The following P3H2 variants were observed in gnomAD, a reference collection of about 807,000 sequenced individuals.
P3H2 encodes prolyl 3-hydroxylase 2.
P3H2 carries 80 observed loss-of-function variants against 87.0 expected under a neutral mutation model. The ratio of observed to expected loss-of-function variants is 0.92; its 90% CI spans 0.77 to 1.11. The LOEUF is 1.11. P3H2 is among the 50% of genes least tolerant of loss of function. P3H2 has a pLI of 0.00. For synonymous variants in P3H2, 367 were observed against 359.3 expected (o/e 1.02, Z -0.24); for missense variants, 1,001 against 923.9 (o/e 1.08, Z -1.08).
At chr3:189,979,027 G>T (rs888474749) in intron 8 of P3H2, among the ~76,000 whole-genome samples, 2 of 152,076 alleles carry the variant, frequency 1.3e-5, no homozygotes, top group African/African-American at 4.8e-5. Context: ...CTGGCTCATG[G>T]CAAGAAGAAT....
chr3:190,057,293 T>C (rs1328107339), intron 1 of P3H2, among the ~76,000 whole-genome samples: 1 of 152,194 alleles, frequency 6.6e-6, no homozygotes, highest in Admixed American at 6.6e-5. Context: ...GAATTAAAAC[T>C]GCATTTTAAC....
intron 1 of P3H2, among the ~76,000 whole-genome samples, chr3:190,078,453 A>G (rs1726938808): frequency 6.6e-6 from 1 of 152,186 alleles, no homozygotes; most frequent in South Asian, 2.1e-4. Flanking sequence ...TAGGATTTCA[A>G]TAAATGAAAT....
Position 190,120,717 on chromosome 3 carries a change from G to A in P3H2, c.15C>T (p.Ile5=). 6.6e-7 allele frequency: 1 copy of A among 1,520,446 alleles called. No homozygotes were observed. The highest frequency in any genetic ancestry group is 2.2e-4 in the Middle Eastern group (1 of 4,488). 94.2% of individuals were successfully genotyped at this position (1,520,446 alleles called of 1,614,324 possible). Residue 5 remains isoleucine (I), a synonymous_variant, in exon 1 of 15, where the codon ATC becomes ATT. Transcript: ENST00000319332. ...GCAGCAGCAGCAGCGGCGGCGCCCAGATGCGCTCCCGCATCCTCCGCCTCA... is the reference window on the plus strand; with the variant it reads ...GCAGCAGCAGCAGCGGCGGCGCCCAAATGCGCTCCCGCATCCTCCGCCTCA... The part of the protein sequence containing the change: MRER[I]WAPPLLLLLP...
chr3:189,978,133 A>G (rs1723409471), intron 8 of P3H2, among the ~76,000 whole-genome samples: 2 of 152,236 alleles, frequency 1.3e-5, no homozygotes, highest in African/African-American at 4.8e-5. Flanking sequence ...ACTGAAAAGC[A>G]TCTGCTAATA....
chr3:190,058,150 T>C (rs983398162), intron 1 of P3H2, among the ~76,000 whole-genome samples: 2 of 152,084 alleles, frequency 1.3e-5, no homozygotes, highest in Non-Finnish European at 2.9e-5. Flanking sequence ...TTTAGGAGAA[T>C]ATATATTCCT....
At chr3:190,087,266 G>A (rs914976015) in intron 1 of P3H2, among the ~76,000 whole-genome samples, 2 of 152,174 alleles carry the variant, frequency 1.3e-5, no homozygotes, top group Admixed American at 6.5e-5. Context: ...GCCGGGTGCG[G>A]TGGCTCACGC....
At chr3:189,968,592 T>A (rs560179599) in intron 13 of P3H2, among the ~76,000 whole-genome samples, 155 of 152,352 alleles carry the variant, frequency 1.0e-3, no homozygotes, top group Non-Finnish European at 1.3e-3. Context: ...TGATTTATAA[T>A]CCTTTGGGTA....
intron 1 of P3H2, among the ~76,000 whole-genome samples, chr3:190,102,772 C>T (rs746701693): frequency 1.3e-5 from 2 of 152,134 alleles, no homozygotes; most frequent in African/African-American, 2.4e-5. Context: ...GAGTAAAATG[C>T]TATCAAACAG....
chr3:189,984,585 A>C lies in P3H2; in HGVS notation c.1194T>G (p.Tyr398Ter). 6.3e-7 allele frequency: 1 copy of C among 1,597,066 alleles called. No homozygotes were observed. Among genetic ancestry groups the C allele is most frequent in the South Asian group, 1.1e-5 (1 of 90,068 alleles). ...GLGFSYTEPN[Y>*]WIRYGGRQDE... ...CCTGTCGTCCTCCATATCTGATCCA[A>C]TAATTCTGTTTTGAATCGAGTAAAA... is the stretch of plus-strand genomic sequence containing the variant. Residue 398 changes from tyrosine to a stop codon, truncating the protein, a stop_gained, in exon 7 of 15, where the codon TAT becomes TAG. Transcript: ENST00000319332. LOFTEE classifies it high-confidence loss of function.
intron 6 of P3H2, among the ~76,000 whole-genome samples, chr3:189,986,200 T>C (rs1231719092): frequency 6.6e-6 from 1 of 152,218 alleles, no homozygotes; most frequent in Non-Finnish European, 1.5e-5. Flanking sequence ...AAATGAGTCA[T>C]ACACAAAATA....
chr3:189,973,043 A>G lies in P3H2; in HGVS notation c.1549-19T>C, dbSNP rs199909430. ...AACCAGACTGAAAAAAAAAAACAAAACATGAGAAACAAATGGGTTCATTGG... is the reference window on the plus strand; with the variant it reads ...AACCAGACTGAAAAAAAAAAACAAAGCATGAGAAACAAATGGGTTCATTGG... On this transcript the variant is annotated intron_variant, in intron 10 of 14. Transcript: ENST00000319332. The G allele has an allele frequency of 1.2e-6, 2 of 1,609,182 alleles. No individual in the cohort carries two copies. Among genetic ancestry groups the G allele is most frequent in the African/African-American group, 2.7e-5 (2 of 74,518 alleles).
chr3:189,997,206 G>A (rs113064100), intron 1 of P3H2, among the ~76,000 whole-genome samples: 1,989 of 152,202 alleles, frequency 0.013, 42 homozygotes, highest in African/African-American at 0.045. Flanking sequence ...ATTTTTAGTA[G>A]AGATGGGGTT....
At chr3:190,088,067 A>C (rs1727285090) in intron 1 of P3H2, among the ~76,000 whole-genome samples, 1 of 152,216 alleles carries the variant, frequency 6.6e-6, no homozygotes, top group Non-Finnish European at 1.5e-5. Flanking sequence ...GGTAAGCGCA[A>C]CAGAGACCAA....
chr3:189,977,845 A>T (rs1723399226), intron 8 of P3H2, among the ~76,000 whole-genome samples: 1 of 151,980 alleles, frequency 6.6e-6, no homozygotes. Context: ...CCTGGACTCA[A>T]GCCATCCTCC....
intron 1 of P3H2, among the ~76,000 whole-genome samples, chr3:190,016,691 C>T (rs1055302510): frequency 6.6e-6 from 1 of 152,046 alleles, no homozygotes; most frequent in Non-Finnish European, 1.5e-5. Flanking sequence ...TGCTTTTTTC[C>T]GTTGAATCTG....
chr3:190,049,758 T>C (rs1189307636), intron 1 of P3H2, among the ~76,000 whole-genome samples: 4 of 152,276 alleles, frequency 2.6e-5, no homozygotes, highest in Non-Finnish European at 5.9e-5. Flanking sequence ...TCAATACATA[T>C]GGAGAAAATA....
At chr3:190,002,067 C>A (rs1394510269) in intron 1 of P3H2, among the ~76,000 whole-genome samples, 1 of 152,006 alleles carries the variant, frequency 6.6e-6, no homozygotes, top group Non-Finnish European at 1.5e-5. Flanking sequence ...TTAGGACATT[C>A]CTAAACATTT....
intron 8 of P3H2, among the ~76,000 whole-genome samples, chr3:189,976,550 A>G (rs1723356009): frequency 6.6e-6 from 1 of 152,186 alleles, no homozygotes; most frequent in South Asian, 2.1e-4. Context: ...GATTATTACA[A>G]TTCAAGGTGA....
rs116334578 is a variant in P3H2, at chr3:190,022,686, G to A, written c.481-27244C>T. On this transcript the variant is annotated intron_variant, in intron 1 of 14. Coordinates refer to ENST00000319332, the MANE Select transcript of P3H2 (RefSeq NM_018192.4). ...CGAGGCAGATAATATCAATAATGAA[G>A]TGGGTACTTTATAAAACCATTAGGC... is the stretch of plus-strand genomic sequence containing the variant. 8.7e-3 allele frequency among the ~76,000 whole-genome samples: 683 copies of A among 78,712 alleles called. 102 individuals carry two copies. The highest frequency in any genetic ancestry group is 0.022 in the African/African-American group (635 of 28,298). 51.6% of individuals were successfully genotyped at this position (78,712 alleles called of 152,430 possible).
Sources: gnomAD v4.1 joint callset for allele counts (sites outside exome capture counted in the v4.1 genomes callset) on GRCh38, gnomAD v4.1.1 for gene constraint, MANE v1.5 for transcripts, NCBI Gene and HGNC (gene_info 2026-07-23, HGNC 2026-07-21) for gene names.